The following FNTB variants were observed in gnomAD, a reference collection of about 807,000 sequenced individuals.
The protein encoded by FNTB is farnesyltransferase, CAAX box, subunit beta.
FNTB carries 27 observed loss-of-function variants against 59.4 expected under a neutral mutation model. The observed-to-expected ratio is 0.45, with a 90% CI of 0.34 to 0.63. FNTB has a LOEUF of 0.63. Ranked by LOEUF, FNTB falls within the 20% of genes least tolerant of loss-of-function variation. The pLI, the probability that FNTB is intolerant of heterozygous loss-of-function variation, is 0.02. For synonymous variants in FNTB, 230 were observed against 220.7 expected (o/e 1.04, Z -0.37); for missense variants, 449 against 559.6 (o/e 0.80, Z 1.99).
At position 64,997,442 on chromosome 14, in the gene FNTB, G is replaced by C. The variant is rs954644164; in HGVS notation, c.145-6807G>C. ...ACCCCCTGCCCACCAAACTATCCTTGAAAAACCTCCAAACCTTTGGGAAAA... is the reference window on the plus strand; with the variant it reads ...ACCCCCTGCCCACCAAACTATCCTTCAAAAACCTCCAAACCTTTGGGAAAA... On this transcript the variant is annotated intron_variant, in intron 1 of 11. Transcript: ENST00000246166. This position sits in a 1 kb window ranked among gnomAD's most constrained non-coding sequence, Gnocchi z 4.5. Among the ~76,000 whole-genome samples, 1 of 152,022 alleles carries C rather than the reference G, an allele frequency of 6.6e-6. No homozygotes were observed. Among genetic ancestry groups the C allele is most frequent in the Non-Finnish European group, 1.5e-5 (1 of 68,008 alleles).
intron 4 of FNTB, among the ~76,000 whole-genome samples, chr14:65,017,472 C>T (rs1469087944): frequency 6.6e-6 from 1 of 152,032 alleles, no homozygotes; most frequent in African/African-American, 2.4e-5. Context: ...TGGAAGAACT[C>T]GAGCCAAAAT....
chr14:65,002,279 C>T (rs1425697903), intron 1 of FNTB, among the ~76,000 whole-genome samples: 4 of 152,228 alleles, frequency 2.6e-5, no homozygotes, highest in Non-Finnish European at 5.9e-5. Context: ...CACATTGTGT[C>T]CACAACCATT....
intron 7 of FNTB, among the ~76,000 whole-genome samples, chr14:65,034,247 A>G (rs886793915): frequency 2.6e-5 from 4 of 152,196 alleles, no homozygotes; most frequent in African/African-American, 9.7e-5. Flanking sequence ...CTTGCTACAC[A>G]GCAGGCATCC....
intron 1 of FNTB, among the ~76,000 whole-genome samples, chr14:65,002,690 G>A (rs1321318526): frequency 3.9e-5 from 6 of 152,182 alleles, no homozygotes; most frequent in Non-Finnish European, 5.9e-5. Context: ...CACCTGATGA[G>A]GAGATGGGAA....
chr14:65,055,882 T>C (rs1018366146), intron 11 of FNTB, among the ~76,000 whole-genome samples: 1 of 152,198 alleles, frequency 6.6e-6, no homozygotes, highest in African/African-American at 2.4e-5. Context: ...CAATAGATAG[T>C]TGAAAAGATG....
At chr14:65,057,422 C>T (rs1236082536) in intron 11 of FNTB, among the ~76,000 whole-genome samples, 1 of 152,108 alleles carries the variant, frequency 6.6e-6, no homozygotes, top group Non-Finnish European at 1.5e-5. Flanking sequence ...CTGCCCCCAG[C>T]ACCCCTTCCC....
chr14:65,017,058 G>A (rs1000550506), intron 4 of FNTB, among the ~76,000 whole-genome samples: 1 of 151,878 alleles, frequency 6.6e-6, no homozygotes, highest in Non-Finnish European at 1.5e-5. Context: ...GAGTAGCTGG[G>A]ATTACAGGCA....
Position 65,040,907 on chromosome 14 carries a change from G to C in FNTB, c.810G>C (p.Leu270Phe). The change falls in exon 8 of 12, where the codon TTG becomes TTC. Residue 270 changes from leucine (L) to phenylalanine (F), a missense_variant. Around this residue, in one of 2 missense-constraint regions of FNTB, gnomAD observed 337 missense variants for 479.1 expected, o/e 0.70. Coordinates refer to ENST00000246166, the MANE Select transcript of FNTB (RefSeq NM_002028.4). The part of the protein sequence containing the change: ...VILKRERSLN[L>F]KSLLQWVTSR... ...TCAAGAGGGAACGTTCCTTGAACTT[G>C]AAGAGCTTATTAGTAAGTATCTTTT... 1 of 1,613,890 alleles carries C rather than the reference G, an allele frequency of 6.2e-7. No homozygotes were observed. Among genetic ancestry groups the C allele is most frequent in the Non-Finnish European group, 8.5e-7 (1 of 1,179,850 alleles).
In FNTB at chr14:64,991,161, G is replaced by A. The variant is rs765285040; in HGVS notation, c.144+4064G>A. Among the ~76,000 whole-genome samples, 18 of 152,110 alleles carry A rather than the reference G, an allele frequency of 1.2e-4. No homozygotes were observed. The highest frequency in any genetic ancestry group is 3.6e-4 in the African/African-American group (15 of 41,408). Reference sequence around the variant, plus strand: ...TTTGTCTTTGAACAGAGGCAAACGCGTCCTCCACTTTAAATGGCATGGTGT... The same window carrying A: ...TTTGTCTTTGAACAGAGGCAAACGCATCCTCCACTTTAAATGGCATGGTGT... On this transcript the variant is annotated intron_variant, in intron 1 of 11. Coordinates refer to ENST00000246166, the MANE Select transcript of FNTB (RefSeq NM_002028.4). This position sits in a 1 kb window ranked among gnomAD's most constrained non-coding sequence, Gnocchi z 4.4.
chr14:65,038,965 A>T (rs553144709), intron 7 of FNTB, among the ~76,000 whole-genome samples: 2 of 152,116 alleles, frequency 1.3e-5, no homozygotes, highest in African/African-American at 4.8e-5. Flanking sequence ...ATAATATTTT[A>T]TCTAAAGATA....
At chr14:65,038,117 A>G (rs897503664) in intron 7 of FNTB, among the ~76,000 whole-genome samples, 5 of 152,176 alleles carry the variant, frequency 3.3e-5, no homozygotes, top group African/African-American at 4.8e-5. Flanking sequence ...CTGACTTTTA[A>G]GAATACTTTG....
intron 7 of FNTB, among the ~76,000 whole-genome samples, chr14:65,039,736 C>G (rs1323577061): frequency 6.6e-6 from 1 of 152,212 alleles, no homozygotes; most frequent in Non-Finnish European, 1.5e-5. Flanking sequence ...TTATTTGGCT[C>G]ATGGTTCTGC....
intron 8 of FNTB, among the ~76,000 whole-genome samples, chr14:65,043,826 C>T (rs2062409042): frequency 2.1e-5 from 1 of 48,090 alleles, no homozygotes. Context: ...GAGACTCCGT[C>T]TCAAAAAAAA....
At position 65,012,264 on chromosome 14, in the gene FNTB, A is replaced by T. The variant is rs2061695402; in HGVS notation, c.210-53A>T. On this transcript the variant is annotated intron_variant, in intron 2 of 11. Coordinates refer to ENST00000246166, the MANE Select transcript of FNTB (RefSeq NM_002028.4). This position sits in a 1 kb window ranked among gnomAD's most constrained non-coding sequence, Gnocchi z 5.0. ...TGTGTGTACGTGCACATACGTGTGT[A>T]TGGTGGAAGCATAAGCTATTAGAAT... 1 of 1,608,304 alleles carries T rather than the reference A, an allele frequency of 6.2e-7. No homozygotes were observed. The highest frequency in any genetic ancestry group is 1.7e-5 in the Admixed American group (1 of 59,962).
intron 7 of FNTB, among the ~76,000 whole-genome samples, chr14:65,037,522 C>G (rs924732922): frequency 7.3e-6 from 1 of 136,164 alleles, no homozygotes; most frequent in Admixed American, 7.9e-5. Context: ...GTTGCCTCGA[C>G]TTTCCAGGCT....
chr14:65,012,459 C>T lies in FNTB; in HGVS notation c.282+70C>T, dbSNP rs561276261. On this transcript the variant is annotated intron_variant, in intron 3 of 11. Coordinates refer to ENST00000246166, the MANE Select transcript of FNTB (RefSeq NM_002028.4). This position sits in a 1 kb window ranked among gnomAD's most constrained non-coding sequence, Gnocchi z 5.0. ...AATCCTCCTCCTTTTTCTATTTAAA[C>T]GTAAAAGACTGTTGGGGCTGACCTG... 61 of 1,591,418 alleles carry T rather than the reference C, an allele frequency of 3.8e-5. No homozygotes were observed. The highest frequency in any genetic ancestry group is 2.3e-4 in the East Asian group (10 of 44,278).
intron 8 of FNTB, among the ~76,000 whole-genome samples, chr14:65,043,277 A>G (rs2062392347): frequency 6.6e-6 from 1 of 152,254 alleles, no homozygotes; most frequent in African/African-American, 2.4e-5. Context: ...GAGTGTGTTT[A>G]GAAAACTTGT....
At position 65,012,304 on chromosome 14, in the gene FNTB, T is replaced by C; in HGVS notation, c.210-13T>C. On this transcript the variant is annotated splice_polypyrimidine_tract_variant and intron_variant, in intron 2 of 11. Coordinates refer to ENST00000246166, the MANE Select transcript of FNTB (RefSeq NM_002028.4). The surrounding 1 kb of genome is among the most constrained non-coding windows in gnomAD (Gnocchi z 5.0). ...GCTATTAGAATGGGCTTATAAACTG[T>C]TTGTCTTTCCAGGCTTGTTTTGCAG... The C allele has an allele frequency of 6.2e-7, 1 of 1,613,970 alleles. No individual in the cohort carries two copies. Among genetic ancestry groups the C allele is most frequent in the Non-Finnish European group, 8.5e-7 (1 of 1,179,872 alleles).
intron 9 of FNTB, among the ~76,000 whole-genome samples, chr14:65,051,444 C>T (rs1033626253): frequency 3.3e-5 from 5 of 152,004 alleles, no homozygotes; most frequent in Non-Finnish European, 5.9e-5. Flanking sequence ...AACCATGTCT[C>T]TACTAAAAAT....
Sources: gnomAD v4.1 joint callset for allele counts (sites outside exome capture counted in the v4.1 genomes callset) on GRCh38, gnomAD v4.1.1 for gene constraint, gnomAD v4.1.1 regional missense constraint, Gnocchi (gnomAD v3.1) non-coding constraint, MANE v1.5 for transcripts, NCBI Gene and HGNC (gene_info 2026-07-23, HGNC 2026-07-21) for gene names.